The following TULP3 variants were observed in gnomAD, a reference collection of about 807,000 sequenced individuals.
TULP3 encodes tubby-related protein 3.
A neutral mutation model predicts 50.7 loss-of-function variants in TULP3; 38 were observed. The ratio of observed to expected loss-of-function variants is 0.75; its 90% CI spans 0.58 to 0.98. TULP3 has a LOEUF of 0.98. Among genes scored for constraint, TULP3 ranks in the 50% least tolerant of loss-of-function variants. The pLI, the probability that TULP3 is intolerant of heterozygous loss-of-function variation, is 0.00. For synonymous variants in TULP3, 183 were observed against 196.6 expected (o/e 0.93, Z 0.58); for missense variants, 550 against 568.0 (o/e 0.97, Z 0.32).
At chr12:2,905,187 C>CTT (rs140761867) in intron 1 of TULP3, among the ~76,000 whole-genome samples, 66,665 of 143,176 alleles carry the variant, frequency 0.47, 15,701 homozygotes, top group African/African-American at 0.57. Flanking sequence ...TATAAAATAT[C>CTT]TTTTTTTTTT....
intron 6 of TULP3, among the ~76,000 whole-genome samples, chr12:2,932,716 A>G (rs1263105356): frequency 1.3e-5 from 2 of 152,006 alleles, no homozygotes; most frequent in South Asian, 2.1e-4. Context: ...GGATTTTGCA[A>G]GGTTGCCCAG....
intron 4 of TULP3, among the ~76,000 whole-genome samples, chr12:2,929,440 T>G (rs1331994980): frequency 1.3e-5 from 2 of 152,152 alleles, no homozygotes; most frequent in Non-Finnish European, 2.9e-5. Flanking sequence ...TAGCTAGGAC[T>G]ACAGACACAC....
intron 8 of TULP3, among the ~76,000 whole-genome samples, chr12:2,937,331 C>G (rs907151307): frequency 2.7e-5 from 4 of 148,188 alleles, no homozygotes; most frequent in East Asian, 4.3e-4. Context: ...ATTCTCCTGC[C>G]TCAGCCTCCC....
intron 1 of TULP3, among the ~76,000 whole-genome samples, chr12:2,894,910 T>C (rs2098174601): frequency 6.6e-6 from 1 of 151,596 alleles, no homozygotes; most frequent in Non-Finnish European, 1.5e-5. Flanking sequence ...TAAAATAAAA[T>C]GAAATAAAAA....
chr12:2,913,378 G>A (rs554627204), intron 2 of TULP3, among the ~76,000 whole-genome samples: 1 of 151,486 alleles, frequency 6.6e-6, no homozygotes, highest in South Asian at 2.1e-4. Flanking sequence ...CTCCCAAGTA[G>A]CTGAGACTAC....
In TULP3 at chr12:2,930,666, G is replaced by A. The variant is rs181385698; in HGVS notation, c.492+321G>A. Among the ~76,000 whole-genome samples the A allele has an allele frequency of 2.4e-3, 363 of 152,022 alleles. 6 individuals carry two copies. In the East Asian group the frequency reaches 0.038, roughly 16 times the overall value. On this transcript the variant is annotated intron_variant, in intron 5 of 10. Coordinates refer to ENST00000448120, the MANE Select transcript of TULP3 (RefSeq NM_003324.5). ...TCTCGATCTCCTGACCTCGTGATCC[G>A]CCCGCCTCAGCCTCCCAAAGTGCTG... is the stretch of plus-strand genomic sequence containing the variant.
intron 1 of TULP3, among the ~76,000 whole-genome samples, chr12:2,900,694 A>G (rs7967040): frequency 0.016 from 1,898 of 115,962 alleles, 38 homozygotes; most frequent in African/African-American, 0.064. Flanking sequence ...GACCTTGCAG[A>G]TACTTTTTTT....
At chr12:2,920,966 C>T (rs748211451) in intron 3 of TULP3, 44 bp downstream of exon 3, 1 of 1,607,972 alleles carries the variant, frequency 6.2e-7, no homozygotes, top group Non-Finnish European at 8.5e-7. Flanking sequence ...GTACAATTTT[C>T]ACAAACCTAG....
intron 2 of TULP3, among the ~76,000 whole-genome samples, chr12:2,910,040 C>T (rs2098184574): frequency 6.6e-6 from 1 of 152,204 alleles, no homozygotes; most frequent in African/African-American, 2.4e-5. Flanking sequence ...CGCCTGTCAT[C>T]CCAGCACTGT....
At chr12:2,916,280 G>A (rs1354336466) in intron 2 of TULP3, among the ~76,000 whole-genome samples, 1 of 152,186 alleles carries the variant, frequency 6.6e-6, no homozygotes, top group African/African-American at 2.4e-5. Context: ...GGGATTACAG[G>A]CATGAGCCAC....
In TULP3 at chr12:2,933,450, G is replaced by C; in HGVS notation, c.729G>C (p.Lys243Asn). The C allele has an allele frequency of 6.2e-7, 1 of 1,613,880 alleles. No individual in the cohort carries two copies. Among genetic ancestry groups the C allele is most frequent in the Non-Finnish European group, 8.5e-7 (1 of 1,179,936 alleles). ...IFLLAARKRKKSKTANYLISI... is the reference protein window; with the variant it reads ...IFLLAARKRKNSKTANYLISI... ...TTCTTGCAGCTAGAAAGCGGAAAAAGAGCAAAACAGCCAACTACCTTATCT... is the reference window on the plus strand; with the variant it reads ...TTCTTGCAGCTAGAAAGCGGAAAAACAGCAAAACAGCCAACTACCTTATCT... The change falls in exon 7 of 11, where the codon AAG becomes AAC. Residue 243 changes from lysine (K) to asparagine (N), a missense_variant. Physicochemically the swap from Lys to Asn is moderately conservative, Grantham distance 94. Transcript: ENST00000448120.
intron 2 of TULP3, 140 bp downstream of exon 2, chr12:2,909,720 T>C: frequency 1.1e-6 from 1 of 884,100 alleles, no homozygotes; most frequent in Non-Finnish European, 1.8e-6. Flanking sequence ...TGTGAAGCAG[T>C]GTCTGGAGTT....
Position 2,920,929 on chromosome 12 carries a change from A to T in TULP3, c.253+7A>T, listed in dbSNP as rs761230656. 2 of 1,613,806 alleles carry T rather than the reference A, an allele frequency of 1.2e-6. No individual in the cohort carries two copies. The highest frequency in any genetic ancestry group is 3.3e-5 in the Admixed American group (2 of 59,972). On this transcript the variant is annotated splice_region_variant and intron_variant, in intron 3 of 10. Coordinates refer to ENST00000448120, the MANE Select transcript of TULP3 (RefSeq NM_003324.5). ...AGCAATGTCATCTTACATGGTGTGT[A>T]TTTAGGCAGCATCACTTCCTAGTGG... is the stretch of plus-strand genomic sequence containing the variant.
intron 8 of TULP3, 44 bp from the exon 9 acceptor site, chr12:2,937,587 T>C: frequency 7.1e-7 from 1 of 1,405,000 alleles, no homozygotes. Context: ...TGGTCTCTAT[T>C]TTTTTCCTGT....
intron 1 of TULP3, among the ~76,000 whole-genome samples, chr12:2,906,139 T>C (rs966640289): frequency 2.0e-5 from 3 of 150,778 alleles, no homozygotes; most frequent in African/African-American, 7.3e-5. Flanking sequence ...CACACGATTC[T>C]CCTGCCTCAG....
In TULP3 at chr12:2,933,525, G is replaced by A. The variant is rs2098199418; in HGVS notation, c.804G>A (p.Lys268=). Residue 268 remains lysine (K), a synonymous_variant, in exon 7 of 11, where the codon AAG becomes AAA. Transcript: ENST00000448120. The part of the protein sequence containing the change: ...LSREGESYVG[K]LRSNLMGTKF... ...GTGAAGGAGAAAGTTATGTCGGCAA[G>A]CTTAGGTGAAAGCAACCTTAGATCA... The A allele has an allele frequency of 6.2e-7, 1 of 1,610,212 alleles. No individual in the cohort carries two copies. Among genetic ancestry groups the A allele is most frequent in the East Asian group, 2.2e-5 (1 of 44,868 alleles).
intron 4 of TULP3, among the ~76,000 whole-genome samples, chr12:2,925,720 AG>A (rs1275164048): frequency 6.6e-6 from 1 of 152,250 alleles, no homozygotes; most frequent in Non-Finnish European, 1.5e-5. Flanking sequence ...TTGGACAGAT[AG>A]GATGAGTCGG....
At chr12:2,891,899 T>A (rs544611994) in intron 1 of TULP3, among the ~76,000 whole-genome samples, 17 of 151,668 alleles carry the variant, frequency 1.1e-4, no homozygotes, top group African/African-American at 2.9e-4. Flanking sequence ...TAGAAAAAAA[T>A]AAAATAAAAT....
intron 1 of TULP3, among the ~76,000 whole-genome samples, chr12:2,894,278 C>A (rs1256177043): frequency 2.5e-5 from 1 of 39,602 alleles, no homozygotes; most frequent in African/African-American, 1.1e-4. Context: ...CCATGGGAGG[C>A]CGAGATGGCG....
Sources: gnomAD v4.1 joint callset for allele counts (sites outside exome capture counted in the v4.1 genomes callset) on GRCh38, gnomAD v4.1.1 for gene constraint, MANE v1.5 for transcripts, NCBI Gene and HGNC (gene_info 2026-07-23, HGNC 2026-07-21) for gene names.